The following TUBA4B variants were observed in gnomAD, a reference collection of about 807,000 sequenced individuals.
TUBA4B encodes tubulin alpha 4b.
TUBA4B carries 13 observed loss-of-function variants against 18.4 expected under a neutral mutation model. The ratio of observed to expected loss-of-function variants is 0.71; its 90% CI spans 0.46 to 1.12. The LOEUF is 1.12. Ranked by LOEUF, TUBA4B falls within the 50% of genes most tolerant of loss-of-function variation. The pLI is 0.00. For missense variants in TUBA4B, 244 were observed against 250.0 expected, an observed-to-expected ratio of 0.98 and a Z score of 0.16; for synonymous variants, 101 against 99.1, an observed-to-expected ratio of 1.02 and a Z score of -0.11.
intron 1 of TUBA4B, among the ~76,000 whole-genome samples, chr2:219,264,574 A>G (rs1476264806): frequency 6.6e-6 from 1 of 152,178 alleles, no homozygotes; most frequent in African/African-American, 2.4e-5. Context: ...TAAGGGTTAC[A>G]TGAGCAGAAG....
intron 2 of TUBA4B, among the ~76,000 whole-genome samples, chr2:219,268,959 G>T (rs529922879): frequency 6.6e-6 from 1 of 152,258 alleles, no homozygotes; most frequent in African/African-American, 2.4e-5. Context: ...AGCCAGGCAT[G>T]GTGGTGCATG....
chr2:219,253,340 G>C lies in TUBA4B; in HGVS notation c.-68G>C. ...CCACCAACCCTCTCAGCTCAGACGCGGGGTGCTGAGTCACGGGGGGGGGGT... is the reference window on the plus strand; with the variant it reads ...CCACCAACCCTCTCAGCTCAGACGCCGGGTGCTGAGTCACGGGGGGGGGGT... On this transcript the variant is annotated 5_prime_UTR_variant, in exon 1 of 4. Coordinates refer to ENST00000490341, the MANE Select transcript of TUBA4B (RefSeq NM_001355221.1). 4 of 1,532,130 alleles carry C rather than the reference G, an allele frequency of 2.6e-6. No homozygotes were observed. Among genetic ancestry groups the C allele is most frequent in the Non-Finnish European group, 3.5e-6 (4 of 1,145,882 alleles). 94.9% of individuals were successfully genotyped at this position (1,532,130 alleles called of 1,614,324 possible). A position where few individuals can be genotyped will look rare whatever the true frequency, so the allele number is the denominator to read the frequency against.
intron 1 of TUBA4B, chr2:219,253,950 CGG>C (rs3051654): frequency 5.5e-5 from 28 of 509,124 alleles, no homozygotes; most frequent in East Asian, 2.3e-4. Context: ...CCCTTATAGG[CGG>C]GGGGGGGGCG....
chr2:219,261,254 A>G (rs1027861728), intron 1 of TUBA4B, among the ~76,000 whole-genome samples: 2 of 152,216 alleles, frequency 1.3e-5, no homozygotes, highest in African/African-American at 4.8e-5. Flanking sequence ...CCTCAGGAAC[A>G]CAAGATACAG....
chr2:219,264,011 G>A (rs1951774306), intron 1 of TUBA4B, among the ~76,000 whole-genome samples: 1 of 152,202 alleles, frequency 6.6e-6, no homozygotes, highest in Non-Finnish European at 1.5e-5. Flanking sequence ...GGACTGAACT[G>A]TACAACAGTC....
chr2:219,271,820 T>G lies in TUBA4B; in HGVS notation c.*121T>G, dbSNP rs1462827798. 6.3e-7 allele frequency: 1 copy of G among 1,592,814 alleles called. No individual in the cohort carries two copies. Among genetic ancestry groups the G allele is most frequent in the Non-Finnish European group, 8.6e-7 (1 of 1,160,650 alleles). On this transcript the variant is annotated 3_prime_UTR_variant, in exon 4 of 4. Transcript: ENST00000490341. ...AAGACCAAGTGCAGCATTCAGTTTG[T>G]GGACTGGTGCCCCACAGGCTTTAAG...
intron 1 of TUBA4B, among the ~76,000 whole-genome samples, chr2:219,260,646 G>C (rs1218973520): frequency 6.6e-6 from 1 of 152,160 alleles, no homozygotes; most frequent in Non-Finnish European, 1.5e-5. Context: ...TTCCCAGTCT[G>C]AGTGATCATC....
At chr2:219,253,750 G>C (rs1199484759) in intron 1 of TUBA4B, 4 of 1,377,590 alleles carry the variant, frequency 2.9e-6, no homozygotes, top group Non-Finnish European at 4.0e-6. Flanking sequence ...ACCTCCTGGA[G>C]ACCCGGAACG....
At chr2:219,267,618 G>A (rs1019151930) in intron 2 of TUBA4B, among the ~76,000 whole-genome samples, 3 of 150,752 alleles carry the variant, frequency 2.0e-5, no homozygotes, top group Non-Finnish European at 2.9e-5. Flanking sequence ...ATTCTGGAGT[G>A]CAGTGGCGCA....
At chr2:219,255,660 A>C (rs1013017694) in intron 1 of TUBA4B, among the ~76,000 whole-genome samples, 3 of 152,006 alleles carry the variant, frequency 2.0e-5, no homozygotes, top group African/African-American at 7.2e-5. Context: ...CTGAGCAACC[A>C]CCCCAGCCTG....
intron 1 of TUBA4B, chr2:219,253,777 G>T: frequency 6.6e-7 from 1 of 1,505,932 alleles, no homozygotes. Flanking sequence ...GGAGGTCCCC[G>T]AGCATGCCTG....
intron 1 of TUBA4B, among the ~76,000 whole-genome samples, chr2:219,255,330 G>A (rs45441493): frequency 1.6e-3 from 246 of 152,240 alleles, no homozygotes; most frequent in African/African-American, 5.7e-3. Context: ...CACCTGCCTC[G>A]CGGGTTCTAG....
intron 1 of TUBA4B, 45 bp from the exon 2 acceptor site, chr2:219,266,476 C>T (rs1051790667): frequency 1.9e-5 from 13 of 689,564 alleles, no homozygotes; most frequent in African/African-American, 1.2e-4. Flanking sequence ...GCTGGCTGGC[C>T]GCTGCAGGCC....
chr2:219,258,267 AG>A (rs1272056268), intron 1 of TUBA4B, among the ~76,000 whole-genome samples: 2 of 152,028 alleles, frequency 1.3e-5, no homozygotes, highest in Non-Finnish European at 2.9e-5. Context: ...CTAGGATTAC[AG>A]GCATGTGCCA....
intron 2 of TUBA4B, among the ~76,000 whole-genome samples, chr2:219,267,852 T>C (rs890782177): frequency 9.9e-5 from 15 of 152,190 alleles, no homozygotes; most frequent in African/African-American, 3.1e-4. Context: ...CGTGAGCCAC[T>C]GCACCCGGCC....
chr2:219,253,983 C>T (rs1271801156), intron 1 of TUBA4B: 2 of 1,059,788 alleles, frequency 1.9e-6, no homozygotes, highest in Non-Finnish European at 2.5e-6. Flanking sequence ...TCCCCGCTCG[C>T]CCACTAGAGG....
At chr2:219,253,950 C>CGGGGG (rs3051654) in intron 1 of TUBA4B, 4 of 509,210 alleles carry the variant, frequency 7.9e-6, no homozygotes, top group Non-Finnish European at 2.9e-6. Flanking sequence ...CCCTTATAGG[C>CGGGGG]GGGGGGGGGG....
intron 1 of TUBA4B, 124 bp from the exon 2 acceptor site, chr2:219,266,397 C>T: frequency 1.6e-6 from 1 of 618,596 alleles, no homozygotes; most frequent in East Asian, 2.8e-5. Context: ...AGTCAACAGG[C>T]CCTGCCCTCC....
intron 1 of TUBA4B, among the ~76,000 whole-genome samples, chr2:219,263,762 C>G (rs1041194082): frequency 1.3e-5 from 2 of 152,198 alleles, no homozygotes; most frequent in African/African-American, 4.8e-5. Flanking sequence ...AGGTGGGAGA[C>G]AGAAGAGTTC....
Sources: gnomAD v4.1 joint callset for allele counts (sites outside exome capture counted in the v4.1 genomes callset) on GRCh38, gnomAD v4.1.1 for gene constraint, MANE v1.5 for transcripts, NCBI Gene and HGNC (gene_info 2026-07-23, HGNC 2026-07-21) for gene names.